The following PCDHGB1 variants were observed in gnomAD, a reference collection of about 807,000 sequenced individuals.
PCDHGB1 encodes protocadherin gamma subfamily B, 1.
In PCDHGB1, 34 loss-of-function variants were observed where a neutral mutation model predicts 56.6. That is an observed-to-expected ratio of 0.60 (90% CI 0.46 to 0.80). The LOEUF (loss-of-function observed/expected upper bound fraction) is 0.80. Ranked by LOEUF, PCDHGB1 falls within the 30% of genes least tolerant of loss-of-function variation. The pLI, the probability that PCDHGB1 is intolerant of heterozygous loss-of-function variation, is 0.00. For synonymous variants in PCDHGB1, 561 were observed against 505.9 expected (o/e 1.11, Z -1.46); for missense variants, 1,278 against 1,204.6 (o/e 1.06, Z -0.90).
At chr5:141,380,434 T>A (rs919623948) in intron 1 of PCDHGB1, among the ~76,000 whole-genome samples, 38 of 152,208 alleles carry the variant, frequency 2.5e-4, no homozygotes, top group African/African-American at 8.7e-4. Flanking sequence ...AGACTTTACA[T>A]AGAATTCTTT....
At chr5:141,409,021 C>T in intron 1 of PCDHGB1, 4 of 1,613,972 alleles carry the variant, frequency 2.5e-6, no homozygotes, top group Non-Finnish European at 3.4e-6. Context: ...ATGAGGGGGT[C>T]AATGCTGAGA....
chr5:141,394,997 C>T lies in PCDHGB1; in HGVS notation c.2409+42328C>T, dbSNP rs771459458. On this transcript the variant is annotated intron_variant, in intron 1 of 3. Coordinates refer to ENST00000523390, the MANE Select transcript of PCDHGB1 (RefSeq NM_018922.3). ...ACAAGTCACGCCTGCTCCAGGATTC[C>T]GGTGGCAGATTGGTAGGCGTGCCTG... 3.4e-5 allele frequency: 55 copies of T among 1,613,898 alleles called. No individual in the cohort carries two copies. In the East Asian group the frequency reaches 1.1e-3, roughly 32 times the overall value.
chr5:141,478,164 C>G lies in PCDHGB1; in HGVS notation c.2410-16643C>G, dbSNP rs202185809. On this transcript the variant is annotated intron_variant, in intron 1 of 3. Transcript: ENST00000523390. Reference sequence around the variant, plus strand: ...GCCGAGTTCCCCTCTGGCTCTGCCCCCCGGGAGCAGAAAAAAAATCTCACC... The same window carrying G: ...GCCGAGTTCCCCTCTGGCTCTGCCCGCCGGGAGCAGAAAAAAAATCTCACC... The G allele has an allele frequency of 1.0e-4, 167 of 1,613,890 alleles. No homozygotes were observed. Among genetic ancestry groups the G allele is most frequent in the Non-Finnish European group, 1.3e-4 (157 of 1,180,048 alleles).
At chr5:141,421,147 G>A in intron 1 of PCDHGB1, 1 of 1,019,036 alleles carries the variant, frequency 9.8e-7, no homozygotes, top group South Asian at 1.7e-5. Context: ...GGATGTAGTC[G>A]GCCTAGGACT....
chr5:141,415,071 G>C (rs757356726), intron 1 of PCDHGB1: 5 of 1,613,422 alleles, frequency 3.1e-6, no homozygotes, highest in Non-Finnish European at 1.7e-6. Context: ...AGGTGCGCAC[G>C]GCGCGAGCCC....
rs562872139 is a variant in PCDHGB1 at position 141,408,923 on chromosome 5, G to A, written c.2409+56254G>A. The A allele has an allele frequency of 5.6e-6, 9 of 1,613,488 alleles. No individual in the cohort carries two copies. The African/African-American group carries it at 1.1e-4, about 19-fold the overall frequency. ...CAAGGATACCAATGATAACCCCCCG[G>A]TTTTCAGCAGAGACGAATATAGAAT... On this transcript the variant is annotated intron_variant, in intron 1 of 3. Coordinates refer to ENST00000523390, the MANE Select transcript of PCDHGB1 (RefSeq NM_018922.3).
chr5:141,409,258 C>G (rs2095247947), intron 1 of PCDHGB1: 2 of 1,613,918 alleles, frequency 1.2e-6, no homozygotes, highest in Non-Finnish European at 8.5e-7. Flanking sequence ...TCACTTCTCT[C>G]TCTGATCAGA....
chr5:141,423,058 A>G (rs1235938743), intron 1 of PCDHGB1: 3 of 1,614,022 alleles, frequency 1.9e-6, no homozygotes, highest in African/African-American at 2.7e-5. Flanking sequence ...TCGCCTGCTT[A>G]AGGCCAGCGA....
chr5:141,375,516 A>G (rs757383072), intron 1 of PCDHGB1: 1 of 1,613,900 alleles, frequency 6.2e-7, no homozygotes, highest in East Asian at 2.2e-5. Flanking sequence ...AATGCACTGG[A>G]CCCTGACGTG....
At position 141,422,383 on chromosome 5, in the gene PCDHGB1, T is replaced by C. The variant is rs201301291; in HGVS notation, c.2409+69714T>C. On this transcript the variant is annotated intron_variant, in intron 1 of 3. Transcript: ENST00000523390. ...TGGAGAAAATGGTCAAGTCTCCTGT[T>C]TTATTCCTAACCACCTGCCTTTTAA... 554 of 1,586,008 alleles carry C rather than the reference T, an allele frequency of 3.5e-4. 2 individuals are homozygous for C. The African/African-American group carries it at 6.9e-3, about 20-fold the overall frequency.
At chr5:141,404,806 G>T (rs774487660) in intron 1 of PCDHGB1, 2 of 1,613,992 alleles carry the variant, frequency 1.2e-6, no homozygotes, top group South Asian at 1.1e-5. Context: ...GGCTCTTCTC[G>T]GTGGGGCTGC....
At chr5:141,415,344 G>A in intron 1 of PCDHGB1, 15 of 1,614,238 alleles carry the variant, frequency 9.3e-6, no homozygotes, top group Non-Finnish European at 1.3e-5. Flanking sequence ...TGCGGCGCTG[G>A]CACAAGTCAC....
At position 141,512,430 on chromosome 5, in the gene PCDHGB1, CT is replaced by C. The variant is rs1357890225; in HGVS notation, c.*1258del. The C allele has an allele frequency of 1.3e-5, 2 of 152,824 alleles. No homozygotes were observed. Among genetic ancestry groups the C allele is most frequent in the Non-Finnish European group, 2.9e-5 (2 of 68,158 alleles). 9.5% of individuals were successfully genotyped at this position (152,824 alleles called of 1,614,324 possible). On this transcript the variant is annotated 3_prime_UTR_variant, in exon 4 of 4. Coordinates refer to ENST00000523390, the MANE Select transcript of PCDHGB1 (RefSeq NM_018922.3). ...CTTCTTCAACAGGGCCCCTGCCCTCCTGAAGCCTCAGTCCTTCACCTTGCCA... is the reference window on the plus strand; with the variant it reads ...CTTCTTCAACAGGGCCCCTGCCCTCCGAAGCCTCAGTCCTTCACCTTGCCA...
At chr5:141,353,710 T>G (rs545692626) in intron 1 of PCDHGB1, among the ~76,000 whole-genome samples, 2 of 152,380 alleles carry the variant, frequency 1.3e-5, no homozygotes, top group African/African-American at 4.8e-5. Flanking sequence ...TCTTGTTTCT[T>G]TAGTGTAGAT....
At chr5:141,366,570 G>A (rs373636717) in intron 1 of PCDHGB1, 2 of 1,614,218 alleles carry the variant, frequency 1.2e-6, no homozygotes, top group Non-Finnish European at 1.7e-6. Context: ...GATGGGGTTC[G>A]GGCTTTCCTG....
intron 1 of PCDHGB1, among the ~76,000 whole-genome samples, chr5:141,464,162 G>A (rs1030872607): frequency 6.6e-6 from 1 of 151,946 alleles, no homozygotes; most frequent in African/African-American, 2.4e-5. Context: ...CTACTTGGAA[G>A]GCTGAGGCAG....
chr5:141,352,674 G>C lies in PCDHGB1; in HGVS notation c.2409+5G>C, dbSNP rs1759076156. ...GACCCTTCTTTGTCTTCGCACGTGA[G>C]TTTCTGCAAATCTAGTTAAATTTTA... On this transcript the variant is annotated splice_donor_5th_base_variant and intron_variant, in intron 1 of 3. Transcript: ENST00000523390. 6.3e-7 allele frequency: 1 copy of C among 1,575,506 alleles called. No homozygotes were observed. The highest frequency in any genetic ancestry group is 8.6e-7 in the Non-Finnish European group (1 of 1,159,654).
intron 1 of PCDHGB1, chr5:141,357,715 G>C: frequency 6.9e-7 from 1 of 1,449,624 alleles, no homozygotes; most frequent in Non-Finnish European, 9.2e-7. Context: ...ATCAAATAAA[G>C]TTGCCTCTTT....
At chr5:141,410,039 G>A (rs1413013254) in intron 1 of PCDHGB1, 2 of 1,613,264 alleles carry the variant, frequency 1.2e-6, no homozygotes, top group South Asian at 1.1e-5. Context: ...GCAGGCCAGT[G>A]AGCCCGGACT....
Sources: gnomAD v4.1 joint callset for allele counts (sites outside exome capture counted in the v4.1 genomes callset) on GRCh38, gnomAD v4.1.1 for gene constraint, MANE v1.5 for transcripts, NCBI Gene and HGNC (gene_info 2026-07-23, HGNC 2026-07-21) for gene names.